The following NCAPH variants were observed in gnomAD, a reference collection of about 807,000 sequenced individuals.
NCAPH encodes the protein condensin complex subunit 2.
NCAPH carries 38 observed loss-of-function variants against 85.5 expected under a neutral mutation model. The observed-to-expected ratio is 0.44, with a 90% CI of 0.34 to 0.58. The LOEUF (loss-of-function observed/expected upper bound fraction) is 0.58. NCAPH is among the 20% of genes least tolerant of loss of function. The pLI is 0.01. For missense variants in NCAPH, 789 were observed against 916.6 expected (o/e 0.86, Z 1.80); for synonymous variants, 301 against 335.1 (o/e 0.90, Z 1.11).
rs1256186983 is a variant in NCAPH, at chr2:96,360,597, A to G, written c.1474A>G (p.Ile492Val). The change falls in exon 12 of 18, where the codon ATT becomes GTT. Residue 492 changes from isoleucine to valine, a missense_variant. Transcript: ENST00000240423. ...TTAAAAAAATTAATAGGCTGCTACTATTCTGACCAAGTCCACTTTGGAGAA... is the reference window on the plus strand; with the variant it reads ...TTAAAAAAATTAATAGGCTGCTACTGTTCTGACCAAGTCCACTTTGGAGAA... ...VYFRKTKAAT[I>V]LTKSTLENQN... 6.2e-7 allele frequency: 1 copy of G among 1,614,142 alleles called. No individual in the cohort carries two copies. The highest frequency in any genetic ancestry group is 8.5e-7 in the Non-Finnish European group (1 of 1,180,008).
At chr2:96,370,972 G>A (rs1401682251) in intron 17 of NCAPH, among the ~76,000 whole-genome samples, 1 of 152,236 alleles carries the variant, frequency 6.6e-6, no homozygotes, top group African/African-American at 2.4e-5. Flanking sequence ...TCACAAGCCT[G>A]TGAAGGCAGA....
chr2:96,348,431 C>T (rs1431040815), intron 6 of NCAPH, among the ~76,000 whole-genome samples: 4 of 151,814 alleles, frequency 2.6e-5, no homozygotes, highest in Admixed American at 6.6e-5. Flanking sequence ...CCTTGTGATC[C>T]GCCGCCCGCC....
intron 7 of NCAPH, 112 bp downstream of exon 7, chr2:96,352,132 G>GAGGA: frequency 8.7e-7 from 1 of 1,152,514 alleles, no homozygotes; most frequent in Non-Finnish European, 1.2e-6. Flanking sequence ...AAATTACCCA[G>GAGGA]AAGTTTCCTC....
rs114537404 is a variant in NCAPH, at chr2:96,349,707, G to T, written c.721-2124G>T. On this transcript the variant is annotated intron_variant, in intron 6 of 17. Coordinates refer to ENST00000240423, the MANE Select transcript of NCAPH (RefSeq NM_015341.5). The stretch of plus-strand genomic sequence containing the variant: ...GAGATCAGAAAGCAAATGTGTGGGT[G>T]TGTCTAGACCAGTTGAGAGCACTTC... Among the ~76,000 whole-genome samples, 637 of 152,294 alleles carry T rather than the reference G, an allele frequency of 4.2e-3. 5 individuals carry two copies. Among genetic ancestry groups the T allele is most frequent in the African/African-American group, 0.015 (606 of 41,550 alleles).
Position 96,376,337 on chromosome 2 carries a change from A to C in NCAPH, c.*2986A>C, listed in dbSNP as rs912589980. 1.3e-5 allele frequency among the ~76,000 whole-genome samples: 2 copies of C among 152,226 alleles called. No homozygotes were observed. The highest frequency in any genetic ancestry group is 2.9e-5 in the Non-Finnish European group (2 of 68,040). On this transcript the variant is annotated 3_prime_UTR_variant, in exon 18 of 18. Transcript: ENST00000240423. ...CAATTTGCAAGAGAGGGCAATTTGCAAGAGAGAATTGTGGGGCCCTGAGAG... is the reference window on the plus strand; with the variant it reads ...CAATTTGCAAGAGAGGGCAATTTGCCAGAGAGAATTGTGGGGCCCTGAGAG...
Position 96,353,156 on chromosome 2 carries a change from C to G in NCAPH, c.911-150C>G, listed in dbSNP as rs578007442. The G allele has an allele frequency of 1.4e-5, 9 of 658,486 alleles. No individual in the cohort carries two copies. The South Asian group carries it at 1.8e-4, about 13-fold the overall frequency. 40.8% of individuals were successfully genotyped at this position (658,486 alleles called of 1,614,324 possible). On this transcript the variant is annotated intron_variant, in intron 7 of 17. Coordinates refer to ENST00000240423, the MANE Select transcript of NCAPH (RefSeq NM_015341.5). ...GCAGGGACACAGACTGGCAGCTAGCCAGCCACTGATGATACTTGAGCCTTT... is the reference window on the plus strand; with the variant it reads ...GCAGGGACACAGACTGGCAGCTAGCGAGCCACTGATGATACTTGAGCCTTT...
intron 9 of NCAPH, among the ~76,000 whole-genome samples, chr2:96,355,840 T>C (rs1265378423): frequency 6.6e-6 from 1 of 152,042 alleles, no homozygotes. Context: ...TTCACCATGT[T>C]AGCCAGGATG....
At chr2:96,358,604 G>T (rs914337361) in intron 9 of NCAPH, among the ~76,000 whole-genome samples, 5 of 152,182 alleles carry the variant, frequency 3.3e-5, no homozygotes, top group Non-Finnish European at 7.3e-5. Flanking sequence ...GAGTAGCTGG[G>T]ACTACAGGCG....
chr2:96,345,166 A>T (rs2104431667), intron 6 of NCAPH, among the ~76,000 whole-genome samples: 1 of 152,342 alleles, frequency 6.6e-6, no homozygotes, highest in Non-Finnish European at 1.5e-5. Flanking sequence ...AAACCAGAAG[A>T]GCGTGGTATC....
In NCAPH at chr2:96,373,505, A is replaced by G. The variant is rs1042049771; in HGVS notation, c.*154A>G. ...TGTTTGTTGCTCTTTCCTTCTCTCC[A>G]TCATAGTCTGGGTGCCAGCGCCCTG... On this transcript the variant is annotated 3_prime_UTR_variant, in exon 18 of 18. Transcript: ENST00000240423. 1.2e-5 allele frequency: 8 copies of G among 694,630 alleles called. No individual in the cohort carries two copies. The highest frequency in any genetic ancestry group is 8.0e-5 in the Admixed American group (3 of 37,388). 43.0% of individuals were successfully genotyped at this position (694,630 alleles called of 1,614,324 possible).
chr2:96,374,246 A>C lies in NCAPH; in HGVS notation c.*895A>C, dbSNP rs567819538. Among the ~76,000 whole-genome samples, 1 of 152,336 alleles carries C rather than the reference A, an allele frequency of 6.6e-6. No individual in the cohort carries two copies. Among genetic ancestry groups the C allele is most frequent in the East Asian group, 1.9e-4 (1 of 5,188 alleles). On this transcript the variant is annotated 3_prime_UTR_variant, in exon 18 of 18. Transcript: ENST00000240423. ...CCTGAGCCTGGCAATCTGCCTCCAG[A>C]GTCTGCTCTCGGCCATTGTGCTATG... is the stretch of plus-strand genomic sequence containing the variant.
intron 7 of NCAPH, 87 bp from the exon 8 acceptor site, chr2:96,353,219 C>G: frequency 9.4e-7 from 1 of 1,068,260 alleles, no homozygotes; most frequent in Non-Finnish European, 1.4e-6. Context: ...TCTCATCTCT[C>G]GTCCCACTCA....
chr2:96,376,950 A>T lies in NCAPH; in HGVS notation c.*3599A>T, dbSNP rs2064838417. On this transcript the variant is annotated 3_prime_UTR_variant, in exon 18 of 18. Transcript: ENST00000240423. ...TGTAATTGAAAAGAGTAAATGCCTG[A>T]GGGGATGGATACCCCATTCTCTGTG... 6.6e-6 allele frequency among the ~76,000 whole-genome samples: 1 copy of T among 152,198 alleles called. No individual in the cohort carries two copies. The highest frequency in any genetic ancestry group is 6.5e-5 in the Admixed American group (1 of 15,294).
intron 8 of NCAPH, 83 bp from the exon 9 acceptor site, chr2:96,354,100 A>T: frequency 7.4e-7 from 1 of 1,357,050 alleles, no homozygotes; most frequent in Non-Finnish European, 1.0e-6. Context: ...ACTGAAATTT[A>T]AGGGTGAGAA....
At chr2:96,355,998 C>T (rs2064519753) in intron 9 of NCAPH, among the ~76,000 whole-genome samples, 1 of 152,148 alleles carries the variant, frequency 6.6e-6, no homozygotes, top group South Asian at 2.1e-4. Context: ...ACATCATTTT[C>T]AAATGTCAGA....
In NCAPH at chr2:96,341,879, C is replaced by T. The variant is rs200979091; in HGVS notation, c.257C>T (p.Ala86Val). ...QFSTDSPRLL[A>V]SPSSRSIDIS... is the part of the protein sequence containing the mutation. Reference sequence around the variant, plus strand: ...AGCACTGACTCACCTCGCTTATTGGCCTCCCCCTCCAGCAGGTGAGGTGCT... The same window carrying T: ...AGCACTGACTCACCTCGCTTATTGGTCTCCCCCTCCAGCAGGTGAGGTGCT... The change falls in exon 2 of 18, where the codon GCC becomes GTC. Residue 86 changes from alanine (A) to valine (V), a missense_variant. By Grantham distance (64) the Ala-to-Val change is moderately conservative. Transcript: ENST00000240423. 1 of 1,609,768 alleles carries T rather than the reference C, an allele frequency of 6.2e-7. No individual in the cohort carries two copies. Among genetic ancestry groups the T allele is most frequent in the African/African-American group, 1.3e-5 (1 of 75,014 alleles).
chr2:96,348,569 A>G (rs1188585812), intron 6 of NCAPH, among the ~76,000 whole-genome samples: 3 of 151,980 alleles, frequency 2.0e-5, no homozygotes, highest in African/African-American at 7.3e-5. Flanking sequence ...GGGATCCAGA[A>G]AGCCCTTTCT....
chr2:96,359,445 C>T, intron 10 of NCAPH: 1 of 498,514 alleles, frequency 2.0e-6, no homozygotes, highest in Non-Finnish European at 3.6e-6. Context: ...CAGCCTCACA[C>T]TGCTCCCTAG....
At chr2:96,366,876 CAAAAAAAAAAAAA>C (rs928006104) in intron 14 of NCAPH, among the ~76,000 whole-genome samples, 18 of 37,570 alleles carry the variant, frequency 4.8e-4, no homozygotes, top group African/African-American at 1.8e-3. Flanking sequence ...GACTCCGTCT[CAAAAAAAAAAAAA>C]AAAAAAAAAA....
Sources: allele counts gnomAD v4.1 joint callset (sites outside exome capture counted in the v4.1 genomes callset), GRCh38; gene constraint gnomAD v4.1.1; transcripts MANE v1.5; gene names NCBI Gene and HGNC (gene_info 2026-07-23, HGNC 2026-07-21).